Variants in SLC1A2 observed in about 807,000 individuals in gnomAD.
SLC1A2 encodes the protein excitatory amino acid transporter 2.
Under a neutral mutation model 48.8 loss-of-function variants are expected in SLC1A2, and 15 were observed. That is an observed-to-expected ratio of 0.31 (90% CI 0.21 to 0.47). The LOEUF (loss-of-function observed/expected upper bound fraction) is 0.47. Among genes scored for constraint, SLC1A2 ranks in the 20% least tolerant of loss-of-function variants. The pLI, the probability that SLC1A2 is intolerant of heterozygous loss-of-function variation, is 0.99. For synonymous variants in SLC1A2, 279 were observed against 272.6 expected, an observed-to-expected ratio of 1.02 and a Z score of -0.23; for missense variants, 502 against 730.5, an observed-to-expected ratio of 0.69 and a Z score of 3.61.
At chr11:35,364,105 A>G (rs1853768112) in intron 1 of SLC1A2, among the ~76,000 whole-genome samples, 1 of 152,144 alleles carries the variant, frequency 6.6e-6, no homozygotes, top group Non-Finnish European at 1.5e-5. Context: ...GACACTAAGA[A>G]CACCATATGT....
At chr11:35,397,330 G>A (rs1854995873) in intron 1 of SLC1A2, among the ~76,000 whole-genome samples, 1 of 143,782 alleles carries the variant, frequency 7.0e-6, no homozygotes, top group South Asian at 2.4e-4. Flanking sequence ...CCAAAACAGA[G>A]ATATAGATCA....
chr11:35,255,019 C>A lies in SLC1A2; in HGVS notation c.*5875G>T, dbSNP rs964990318. 1 of 291,080 alleles carries A rather than the reference C, an allele frequency of 3.4e-6. No homozygotes were observed. The highest frequency in any genetic ancestry group is 6.7e-6 in the Non-Finnish European group (1 of 148,256). The allele number at this position is 291,080 out of a possible 1,614,324, so 18.0% of individuals were successfully genotyped here. On this transcript the variant is annotated 3_prime_UTR_variant, in exon 11 of 11. Coordinates refer to ENST00000278379, the MANE Select transcript of SLC1A2 (RefSeq NM_004171.4). ...TGAAGAAATTGTGTTTATCTTGCTG[C>A]CCTTGCATCAGGTTTTTTGCACTAA...
rs895062024 is a variant in SLC1A2, at chr11:35,402,206, G to T, written c.17+16744C>A. ...GGCTGGGGGCCCCTAGATAGCTTCAGGATGGGGACTGCTCACCAGAAAGAC... is the reference window on the plus strand; with the variant it reads ...GGCTGGGGGCCCCTAGATAGCTTCATGATGGGGACTGCTCACCAGAAAGAC... On this transcript the variant is annotated intron_variant, in intron 1 of 10. Coordinates refer to ENST00000278379, the MANE Select transcript of SLC1A2 (RefSeq NM_004171.4). Among the ~76,000 whole-genome samples the T allele has an allele frequency of 1.3e-4, 20 of 152,176 alleles. 1 individual carries two copies. Among genetic ancestry groups the T allele is most frequent in the Admixed American group, 1.0e-3 (16 of 15,278 alleles).
Position 35,325,947 on chromosome 11 carries a change from A to G in SLC1A2, c.18-8431T>C, listed in dbSNP as rs1852232889. Among the ~76,000 whole-genome samples the G allele has an allele frequency of 2.4e-5, 3 of 124,938 alleles. No individual in the cohort carries two copies. The South Asian group carries it at 8.1e-4, about 34-fold the overall frequency. The allele number at this position is 124,938 out of a possible 152,430, so 82.0% of individuals were successfully genotyped here. ...CCATTGCACTCCAGCCTGGGCAACA[A>G]GGGTGAAATTCTATCTCAAAAAAAA... On this transcript the variant is annotated intron_variant, in intron 1 of 10. Transcript: ENST00000278379.
At chr11:35,285,034 G>A (rs1850766736) in intron 8 of SLC1A2, among the ~76,000 whole-genome samples, 1 of 152,208 alleles carries the variant, frequency 6.6e-6, no homozygotes, top group Non-Finnish European at 1.5e-5. Flanking sequence ...TATAGAGATT[G>A]ACAGTGCTGC....
At chr11:35,415,387 T>C (rs930017129) in intron 1 of SLC1A2, among the ~76,000 whole-genome samples, 5 of 152,230 alleles carry the variant, frequency 3.3e-5, no homozygotes, top group Admixed American at 1.3e-4. Context: ...TTAGTAAACA[T>C]GAAATGGTTT....
At position 35,265,546 on chromosome 11, in the gene SLC1A2, A is replaced by T. The variant is rs372276804; in HGVS notation, c.1634T>A (p.Val545Asp). The T allele has an allele frequency of 8.9e-5, 142 of 1,587,618 alleles. No individual in the cohort carries two copies. The highest frequency in any genetic ancestry group is 1.2e-4 in the Non-Finnish European group (136 of 1,156,066). ...ATGTACCTTGCATTCATCTACTATG[A>T]CAGAGTTGTGTGCAGCATAGACACA... ...NQCVYAAHNS[V>D]IVDECKVTLA... Residue 545 changes from valine (V) to aspartate (D), a missense_variant, in exon 10 of 11, where the codon GTC becomes GAC. Physicochemically the swap from Val to Asp is radical, Grantham distance 152 (BLOSUM62 -3). Around this residue, in one of 4 missense-constraint regions of SLC1A2, gnomAD observed 102 missense variants for 107.2 expected, o/e 0.95. Transcript: ENST00000278379.
intron 1 of SLC1A2, among the ~76,000 whole-genome samples, chr11:35,404,684 G>T (rs1395044892): frequency 1.3e-5 from 2 of 152,184 alleles, no homozygotes; most frequent in Non-Finnish European, 2.9e-5. Context: ...CTCCCTGCTG[G>T]GCAAATTGTT....
chr11:35,415,776 G>T (rs554991354), intron 1 of SLC1A2, among the ~76,000 whole-genome samples: 21 of 152,142 alleles, frequency 1.4e-4, no homozygotes, highest in Non-Finnish European at 2.2e-4. Flanking sequence ...TTGGCTCCTG[G>T]GAGCTGATCA....
chr11:35,322,655 C>A (rs869308353), intron 1 of SLC1A2: 1 of 1,533,996 alleles, frequency 6.5e-7, no homozygotes, highest in Non-Finnish European at 8.7e-7. Flanking sequence ...CCAGAGATTG[C>A]CCTACTGGAA....
At position 35,292,295 on chromosome 11, in the gene SLC1A2, G is replaced by A. The variant is rs756878924; in HGVS notation, c.1083C>T (p.Thr361=). The change falls in exon 7 of 11, where the codon ACC becomes ACT. Residue 361 remains threonine (T), a synonymous_variant. Coordinates refer to ENST00000278379, the MANE Select transcript of SLC1A2 (RefSeq NM_004171.4). ...IFQAWITALG[T]ASSAGTLPVT... is the part of the protein sequence containing the mutation. ...TTTCTTTTGTTCTCTACCTGGAAGC[G>A]GTGCCCAGGGCAGTGATCCAAGCTT... The A allele has an allele frequency of 3.0e-5, 49 of 1,610,338 alleles. No homozygotes were observed. The highest frequency in any genetic ancestry group is 1.2e-4 in the Admixed American group (7 of 59,928).
At chr11:35,263,932 A>G (rs1950437483) in intron 10 of SLC1A2, 1 of 152,244 alleles carries the variant, frequency 6.6e-6, no homozygotes. Context: ...ATACTAGAAC[A>G]TAAAGCCATT....
intron 1 of SLC1A2, among the ~76,000 whole-genome samples, chr11:35,377,669 A>G (rs538267589): frequency 1.3e-5 from 2 of 152,336 alleles, no homozygotes; most frequent in Non-Finnish European, 2.9e-5. Flanking sequence ...CATCAAGTAG[A>G]TACCAAGAAA....
chr11:35,342,358 G>A (rs1485989535), intron 1 of SLC1A2, among the ~76,000 whole-genome samples: 1 of 152,204 alleles, frequency 6.6e-6, no homozygotes, highest in Admixed American at 6.5e-5. Context: ...TAAGCTCTGT[G>A]TGAAGATTTA....
rs1213442026 is a variant in SLC1A2, at chr11:35,251,548, G to T, written c.*9346C>A. The T allele has an allele frequency of 6.6e-6, 1 of 152,400 alleles. No homozygotes were observed. The highest frequency in any genetic ancestry group is 2.4e-5 in the African/African-American group (1 of 41,438). The allele number at this position is 152,400 out of a possible 1,614,324, so 9.4% of individuals were successfully genotyped here. A position where few individuals can be genotyped will look rare whatever the true frequency, so the allele number is the denominator to read the frequency against. On this transcript the variant is annotated 3_prime_UTR_variant, in exon 11 of 11. Transcript: ENST00000278379. ...TGTGCTACGTGACTTCAGACCAATG[G>T]GGATTGTGAATGTGAGGAATACAAT...
chr11:35,376,142 G>A (rs1854222033), intron 1 of SLC1A2, among the ~76,000 whole-genome samples: 1 of 151,572 alleles, frequency 6.6e-6, no homozygotes, highest in South Asian at 2.1e-4. Flanking sequence ...TCAATTAAAA[G>A]CTAGAAATGG....
intron 1 of SLC1A2, chr11:35,359,999 A>C: frequency 4.5e-6 from 3 of 667,832 alleles, no homozygotes; most frequent in Non-Finnish European, 5.6e-6. Flanking sequence ...CTCCCTTCTC[A>C]TCACCCCTCA....
At chr11:35,395,622 G>A (rs911867124) in intron 1 of SLC1A2, among the ~76,000 whole-genome samples, 2 of 151,704 alleles carry the variant, frequency 1.3e-5, no homozygotes, top group Admixed American at 6.6e-5. Flanking sequence ...CACAGTCTTA[G>A]ACGCTAGGTG....
chr11:35,412,585 C>T (rs1408666091), intron 1 of SLC1A2, among the ~76,000 whole-genome samples: 6 of 152,174 alleles, frequency 3.9e-5, no homozygotes, highest in African/African-American at 1.4e-4. Flanking sequence ...TTCCTCAATT[C>T]AAAAGGCATC....
Sources: gnomAD v4.1 joint callset for allele counts (sites outside exome capture counted in the v4.1 genomes callset) on GRCh38, gnomAD v4.1.1 for gene constraint, gnomAD v4.1.1 regional missense constraint, MANE v1.5 for transcripts, NCBI Gene and HGNC (gene_info 2026-07-23, HGNC 2026-07-21) for gene names.